Variants in CCSER2 observed in about 807,000 individuals in gnomAD.
The protein encoded by CCSER2 is coiled-coil serine rich protein 2, also known as serine-rich coiled-coil domain-containing protein 2.
In CCSER2, 46 loss-of-function variants were observed where a neutral mutation model predicts 92.3. The observed-to-expected ratio is 0.50, with a 90% CI of 0.39 to 0.64. The LOEUF (loss-of-function observed/expected upper bound fraction) is 0.64, where lower values mean the gene tolerates loss of function less well. CCSER2 is among the 30% of genes least tolerant of loss of function. The pLI, the probability that CCSER2 is intolerant of heterozygous loss-of-function variation, is 0.00. For synonymous variants in CCSER2, 433 were observed against 431.4 expected (o/e 1.00, Z -0.04); for missense variants, 1,244 against 1,238.9 (o/e 1.00, Z -0.06).
chr10:84,349,781 A>G (rs1424637005), intron 1 of CCSER2, among the ~76,000 whole-genome samples: 1 of 152,146 alleles, frequency 6.6e-6, no homozygotes, highest in African/African-American at 2.4e-5. Context: ...CGACTTTCCT[A>G]CCTGATTTTT....
intron 1 of CCSER2, among the ~76,000 whole-genome samples, chr10:84,362,190 T>G (rs1413612281): frequency 6.6e-6 from 1 of 152,146 alleles, no homozygotes; most frequent in East Asian, 1.9e-4. Context: ...TACTGCCCAT[T>G]TAATTTAATA....
At chr10:84,332,434 A>ATTTTTTTTTTTT (rs1336634806) in intron 1 of CCSER2, among the ~76,000 whole-genome samples, 7 of 66,076 alleles carry the variant, frequency 1.1e-4, no homozygotes, top group Admixed American at 2.3e-4. Flanking sequence ...ATATATATAT[A>ATTTTTTTTTTTT]TATTTTTTTT....
chr10:84,450,809 G>A (rs1337446941), intron 6 of CCSER2, among the ~76,000 whole-genome samples: 1 of 152,100 alleles, frequency 6.6e-6, no homozygotes, highest in African/African-American at 2.4e-5. Context: ...GAATATACAT[G>A]TATTAAATTA....
intron 5 of CCSER2, 38 bp downstream of exon 5, chr10:84,425,931 T>C (rs1039662549): frequency 2.9e-6 from 4 of 1,364,878 alleles, no homozygotes; most frequent in African/African-American, 2.9e-5. Flanking sequence ...TTTGCTGTCC[T>C]CTGATTTTGA....
At chr10:84,368,792 G>A (rs1845915400) in intron 1 of CCSER2, among the ~76,000 whole-genome samples, 1 of 152,034 alleles carries the variant, frequency 6.6e-6, no homozygotes, top group Admixed American at 6.6e-5. Flanking sequence ...AGTATACATT[G>A]TACCCTACTA....
chr10:84,365,685 TA>T (rs1474214973), intron 1 of CCSER2, among the ~76,000 whole-genome samples: 1 of 152,200 alleles, frequency 6.6e-6, no homozygotes, highest in Non-Finnish European at 1.5e-5. Context: ...TCTAAGTTAT[TA>T]ATACTGAAGA....
intron 6 of CCSER2, among the ~76,000 whole-genome samples, chr10:84,449,014 T>C (rs537404524): frequency 1.3e-5 from 2 of 152,318 alleles, no homozygotes; most frequent in South Asian, 4.1e-4. Context: ...TTTTTAGTTG[T>C]GGAATAATTG....
At position 84,513,844 on chromosome 10, in the gene CCSER2, G is replaced by A. The variant is rs749342933; in HGVS notation, c.2721G>A (p.Gln907=). The part of the protein sequence containing the change: ...VDQAKRVGRN[Q]SPPVGYMSQP... The stretch of plus-strand genomic sequence containing the variant: ...AGGCTAAGAGAGTTGGAAGAAATCA[G>A]TCTCCGCCAGTGGGTTATATGTCTC... Residue 907 remains glutamine, a synonymous_variant, in exon 10 of 10, where the codon CAG becomes CAA. Coordinates refer to ENST00000372088, the MANE Select transcript of CCSER2 (RefSeq NM_001284240.2). The A allele has an allele frequency of 1.3e-6, 2 of 1,536,260 alleles. No individual in the cohort carries two copies. Among genetic ancestry groups the A allele is most frequent in the Middle Eastern group, 3.3e-4 (2 of 5,990 alleles).
intron 4 of CCSER2, among the ~76,000 whole-genome samples, chr10:84,421,878 G>T (rs1843169145): frequency 6.6e-6 from 1 of 152,174 alleles, no homozygotes; most frequent in African/African-American, 2.4e-5. Flanking sequence ...ATAGAAATGT[G>T]ATTGGACAAA....
At position 84,509,757 on chromosome 10, in the gene CCSER2, T is replaced by C. The variant is rs577171990; in HGVS notation, c.2326-3692T>C. On this transcript the variant is annotated intron_variant, in intron 9 of 9. Coordinates refer to ENST00000372088, the MANE Select transcript of CCSER2 (RefSeq NM_001284240.2). ...GTGACTATAGGGAGTAGTTAAGATA[T>C]GAGATCTTTCGTAGTGGGGGGATTC... Among the ~76,000 whole-genome samples, 4 of 152,278 alleles carry C rather than the reference T, an allele frequency of 2.6e-5. No individual in the cohort carries two copies. In the South Asian group the frequency reaches 8.3e-4, roughly 32 times the overall value.
chr10:84,424,665 G>GT (rs904098329), intron 4 of CCSER2, among the ~76,000 whole-genome samples: 311 of 144,920 alleles, frequency 2.1e-3, no homozygotes, highest in Middle Eastern at 3.6e-3. Context: ...AATAAGCGAG[G>GT]TTTTTTTTTT....
At chr10:84,391,606 G>A in intron 3 of CCSER2, 2 of 1,528,576 alleles carry the variant, frequency 1.3e-6, no homozygotes, top group Non-Finnish European at 9.1e-7. Context: ...TAGAGATGCA[G>A]CCTTATATTC....
chr10:84,437,051 G>C (rs1476114206), intron 5 of CCSER2, among the ~76,000 whole-genome samples: 3 of 151,788 alleles, frequency 2.0e-5, no homozygotes, highest in Non-Finnish European at 4.4e-5. Flanking sequence ...TTTTTTCAAT[G>C]TCTTATTTCT....
chr10:84,380,480 G>C (rs1452244580), intron 3 of CCSER2, among the ~76,000 whole-genome samples: 2 of 151,862 alleles, frequency 1.3e-5, no homozygotes, highest in Non-Finnish European at 2.9e-5. Flanking sequence ...ATTAAATCTA[G>C]TAATGTTTTA....
chr10:84,431,884 C>T (rs112887762), intron 5 of CCSER2, among the ~76,000 whole-genome samples: 15 of 152,276 alleles, frequency 9.9e-5, no homozygotes, highest in African/African-American at 3.6e-4. Flanking sequence ...GATTTTTGCA[C>T]GGGCGTACAT....
chr10:84,459,183 T>C (rs757485861), intron 6 of CCSER2, among the ~76,000 whole-genome samples: 2 of 152,130 alleles, frequency 1.3e-5, no homozygotes, highest in African/African-American at 2.4e-5. Context: ...AATTTTTGTA[T>C]TTTTAGTAGA....
intron 9 of CCSER2, among the ~76,000 whole-genome samples, chr10:84,502,463 C>G (rs149662823): frequency 0.083 from 12,609 of 151,474 alleles, 648 homozygotes; most frequent in South Asian, 0.19. Context: ...GCTCCGCCTC[C>G]CGGGTTCACG....
At chr10:84,391,650 A>G in intron 3 of CCSER2, 5 of 1,535,626 alleles carry the variant, frequency 3.3e-6, no homozygotes, top group Non-Finnish European at 3.6e-6. Flanking sequence ...GAAATCATTA[A>G]CAGACCCAAC....
chr10:84,329,031 C>T (rs1361263893), intron 1 of CCSER2, among the ~76,000 whole-genome samples: 2 of 151,838 alleles, frequency 1.3e-5, no homozygotes, highest in Admixed American at 6.6e-5. Context: ...GGCGCCCTCC[C>T]TGCGGCTGTG....
Sources: allele counts gnomAD v4.1 joint callset (sites outside exome capture counted in the v4.1 genomes callset), GRCh38; gene constraint gnomAD v4.1.1; transcripts MANE v1.5; gene names NCBI Gene and HGNC (gene_info 2026-07-23, HGNC 2026-07-21).